The following PDGFRL variants were observed in gnomAD, a reference collection of about 807,000 sequenced individuals.
PDGFRL encodes platelet-derived growth factor receptor-like protein.
Under a neutral mutation model 37.2 loss-of-function variants are expected in PDGFRL, and 46 were observed. The observed-to-expected ratio is 1.24, with a 90% CI of 0.98 to 1.58. The LOEUF (loss-of-function observed/expected upper bound fraction) is 1.58. Ranked by LOEUF, PDGFRL falls within the 40% of genes most tolerant of loss-of-function variation. PDGFRL has a pLI of 0.00. For synonymous variants in PDGFRL, 251 were observed against 184.3 expected (o/e 1.36, Z -2.93); for missense variants, 692 against 467.6 (o/e 1.48, Z -4.43).
At chr8:17,604,363 A>C (rs111927957) in intron 2 of PDGFRL, among the ~76,000 whole-genome samples, 5,419 of 152,334 alleles carry the variant, frequency 0.036, 329 homozygotes, top group African/African-American at 0.12. Flanking sequence ...AGACTGGATT[A>C]AGAAAATGTG....
At chr8:17,602,667 C>T (rs938802474) in intron 2 of PDGFRL, among the ~76,000 whole-genome samples, 11 of 152,062 alleles carry the variant, frequency 7.2e-5, no homozygotes, top group African/African-American at 2.4e-4. Context: ...AAACCTGATA[C>T]TGGGCTATTT....
chr8:17,598,000 GT>G (rs1472349273), intron 2 of PDGFRL, among the ~76,000 whole-genome samples: 2 of 50,078 alleles, frequency 4.0e-5, no homozygotes, highest in Non-Finnish European at 3.6e-4. Context: ...TTCCCAGCTT[GT>G]GGCTTTTTGA....
At chr8:17,603,025 C>G (rs1011829970) in intron 2 of PDGFRL, among the ~76,000 whole-genome samples, 2 of 152,090 alleles carry the variant, frequency 1.3e-5, no homozygotes, top group Admixed American at 6.6e-5. Context: ...CTTTCTTGCC[C>G]AGCCTGGAGT....
chr8:17,612,224 G>GT (rs1804432931), intron 2 of PDGFRL, among the ~76,000 whole-genome samples: 13 of 152,148 alleles, frequency 8.5e-5, no homozygotes. Context: ...CTAACCTCCA[G>GT]GTATTTAAAT....
intron 2 of PDGFRL, among the ~76,000 whole-genome samples, chr8:17,591,469 CTCAG>C (rs1803938924): frequency 6.6e-6 from 1 of 152,150 alleles, no homozygotes; most frequent in African/African-American, 2.4e-5. Flanking sequence ...TCTGCCAGTT[CTCAG>C]TTTCCTTATG....
chr8:17,616,508 T>C (rs1222367891), intron 2 of PDGFRL, among the ~76,000 whole-genome samples: 1 of 152,208 alleles, frequency 6.6e-6, no homozygotes, highest in Non-Finnish European at 1.5e-5. Flanking sequence ...TTCATGATTT[T>C]ATGCCTTTCA....
chr8:17,595,886 G>A (rs554499076), intron 2 of PDGFRL, among the ~76,000 whole-genome samples: 1 of 152,312 alleles, frequency 6.6e-6, no homozygotes, highest in Non-Finnish European at 1.5e-5. Flanking sequence ...TTTGAGGGAG[G>A]GGCAGGCAGG....
At chr8:17,589,350 C>A in intron 1 of PDGFRL, 118 bp from the exon 2 acceptor site, 2 of 740,056 alleles carry the variant, frequency 2.7e-6, no homozygotes, top group Non-Finnish European at 4.5e-6. Context: ...TATGCCACTG[C>A]CCTCCAACCT....
intron 2 of PDGFRL, among the ~76,000 whole-genome samples, chr8:17,609,089 C>A (rs1324668518): frequency 6.6e-6 from 1 of 152,164 alleles, no homozygotes; most frequent in African/African-American, 2.4e-5. Flanking sequence ...GGATATAGTG[C>A]TACACCCTGT....
At chr8:17,598,122 A>G (rs1002937060) in intron 2 of PDGFRL, among the ~76,000 whole-genome samples, 8 of 152,218 alleles carry the variant, frequency 5.3e-5, no homozygotes, top group Non-Finnish European at 7.3e-5. Flanking sequence ...AATAAGGATA[A>G]ATGTCTTATC....
chr8:17,588,324 C>A (rs2517145), intron 1 of PDGFRL, among the ~76,000 whole-genome samples: 83,713 of 151,968 alleles, frequency 0.55, 25,700 homozygotes, highest in East Asian at 0.77. Context: ...TAGACATCGC[C>A]AGCCCCTGAC....
At chr8:17,634,034 A>T (rs757980528) in intron 4 of PDGFRL, 40 bp from the exon 5 acceptor site, 1 of 1,606,986 alleles carries the variant, frequency 6.2e-7, no homozygotes, top group South Asian at 1.1e-5. Flanking sequence ...TCAAGGTTAC[A>T]CTCGGGGTCT....
chr8:17,637,464 G>T (rs1003204497), intron 5 of PDGFRL, among the ~76,000 whole-genome samples: 4 of 152,092 alleles, frequency 2.6e-5, no homozygotes, highest in African/African-American at 9.7e-5. Context: ...TGTTGGATTT[G>T]GTTAGCTAGT....
chr8:17,602,726 G>A (rs1483072750), intron 2 of PDGFRL, among the ~76,000 whole-genome samples: 1 of 152,026 alleles, frequency 6.6e-6, no homozygotes, highest in Admixed American at 6.6e-5. Context: ...TGCTCTTGGA[G>A]TTCTGGTCTA....
intron 2 of PDGFRL, among the ~76,000 whole-genome samples, chr8:17,614,818 A>C (rs1438755028): frequency 1.3e-5 from 2 of 152,082 alleles, no homozygotes; most frequent in African/African-American, 2.4e-5. Flanking sequence ...CAAAGCAGAA[A>C]ATCTTTGTTT....
At chr8:17,628,801 C>G in intron 4 of PDGFRL, 21 bp downstream of exon 4, 2 of 1,577,042 alleles carry the variant, frequency 1.3e-6, no homozygotes, top group Non-Finnish European at 1.7e-6. Context: ...CCACCCCTGC[C>G]TAGATTCTAG....
At chr8:17,596,985 C>G (rs1470950094) in intron 2 of PDGFRL, among the ~76,000 whole-genome samples, 1 of 152,126 alleles carries the variant, frequency 6.6e-6, no homozygotes, top group East Asian at 1.9e-4. Context: ...GGAAGCTCCC[C>G]AGGTGTTCAT....
intron 2 of PDGFRL, among the ~76,000 whole-genome samples, chr8:17,594,011 C>T (rs1803998742): frequency 6.6e-6 from 1 of 152,110 alleles, no homozygotes; most frequent in Non-Finnish European, 1.5e-5. Flanking sequence ...AAACTATGTG[C>T]CCACTGAACC....
intron 1 of PDGFRL, among the ~76,000 whole-genome samples, chr8:17,583,665 G>T (rs568998608): frequency 3.9e-5 from 6 of 152,256 alleles, no homozygotes; most frequent in African/African-American, 1.4e-4. Flanking sequence ...GGAGGTGTTT[G>T]AGTCGTGGGG....
Sources: allele counts gnomAD v4.1 joint callset (sites outside exome capture counted in the v4.1 genomes callset), GRCh38; gene constraint gnomAD v4.1.1; transcripts MANE v1.5; gene names NCBI Gene and HGNC (gene_info 2026-07-23, HGNC 2026-07-21).